Variants in LY6S observed in about 807,000 individuals in gnomAD.
LY6S encodes the protein lymphocyte antigen 6S.
the LY6S span, among the ~76,000 whole-genome samples, chr8:143,063,797 G>A: frequency 5.9e-5 from 9 of 152,170 alleles, no homozygotes; most frequent in Non-Finnish European, 1.0e-4. Context: ...CAGCCTGTCC[G>A]CTGTCAGCCA....
chr8:143,044,951 TGCCTGCAACTGGCA>T, the LY6S span: 1 of 736,422 alleles, frequency 1.4e-6, no homozygotes. Flanking sequence ...CCCACACACC[TGCCTGCAACTGGCA>T]GCCTGCAACT....
At chr8:143,057,474 T>C in the LY6S span, 1 of 646,100 alleles carries the variant, frequency 1.5e-6, no homozygotes, top group African/African-American at 1.8e-5. Context: ...GGTTTCGAAC[T>C]CCTGACCTTG....
At chr8:143,056,827 C>T in the LY6S span, among the ~76,000 whole-genome samples, 13 of 152,224 alleles carry the variant, frequency 8.5e-5, no homozygotes, top group African/African-American at 2.4e-4. Flanking sequence ...GTTCAGGCAT[C>T]GCTGATATTT....
At chr8:143,066,350 C>T in the LY6S span, 316 of 206,218 alleles carry the variant, frequency 1.5e-3, 1 homozygote, top group African/African-American at 7.0e-3. Context: ...TTAGTAGAGA[C>T]GGGGTTTTGC....
At chr8:143,070,472 TATAAATATATATA>T in the LY6S span, among the ~76,000 whole-genome samples, 2 of 39,930 alleles carry the variant, frequency 5.0e-5, no homozygotes, top group African/African-American at 1.5e-4. Context: ...ATAATATATA[TATAAATATATATA>T]TATATTTTTT....
chr8:143,068,592 C>T, the LY6S span, among the ~76,000 whole-genome samples: 1 of 152,048 alleles, frequency 6.6e-6, no homozygotes, highest in African/African-American at 2.4e-5. Flanking sequence ...TTGTAATTTG[C>T]CCAGTCTTAG....
chr8:143,049,319 C>T, the LY6S span: 2 of 533,818 alleles, frequency 3.7e-6, no homozygotes, highest in Non-Finnish European at 7.7e-6. Flanking sequence ...ACGGAAAAGA[C>T]ATCTTTTGTT....
chr8:143,059,093 A>C, the LY6S span, among the ~76,000 whole-genome samples: 4 of 152,166 alleles, frequency 2.6e-5, no homozygotes, highest in South Asian at 8.3e-4. Flanking sequence ...GGAACGGCTC[A>C]TGTCCTCTGT....
At chr8:143,047,636 G>A in the LY6S span, 1 of 152,202 alleles carries the variant, frequency 6.6e-6, no homozygotes, top group African/African-American at 2.4e-5. Flanking sequence ...AGGCATATTT[G>A]ATTTTCCCTG....
chr8:143,051,235 G>A, the LY6S span, among the ~76,000 whole-genome samples: 3 of 152,154 alleles, frequency 2.0e-5, no homozygotes, highest in Admixed American at 2.0e-4. Context: ...TTCTCTTGAC[G>A]TAAATCCATC....
chr8:143,057,848 T>C, the LY6S span: 4 of 729,722 alleles, frequency 5.5e-6, no homozygotes, highest in African/African-American at 1.7e-5. Context: ...GCAGCTGGCC[T>C]GACTGGGGGC....
At chr8:143,045,612 G>A in the LY6S span, among the ~76,000 whole-genome samples, 2 of 151,182 alleles carry the variant, frequency 1.3e-5, no homozygotes, top group Non-Finnish European at 2.9e-5. The surrounding 1 kb of genome is among the most constrained non-coding windows in gnomAD (Gnocchi z 5.3). Flanking sequence ...TCTCCTTAGC[G>A]CCCCCACCCA....
the LY6S span, among the ~76,000 whole-genome samples, chr8:143,048,160 G>A: frequency 6.6e-6 from 1 of 152,172 alleles, no homozygotes; most frequent in East Asian, 1.9e-4. Flanking sequence ...AGGCTGCCTG[G>A]TTGGCTGCCG....
chr8:143,058,462 T>C, the LY6S span, among the ~76,000 whole-genome samples: 8,112 of 152,190 alleles, frequency 0.053, 700 homozygotes, highest in African/African-American at 0.19. Context: ...GAAAGATAGC[T>C]TATGCCATTA....
chr8:143,057,690 A>C, the LY6S span: 2 of 833,304 alleles, frequency 2.4e-6, no homozygotes, highest in South Asian at 2.6e-5. Flanking sequence ...TGAATCCAGC[A>C]AGCAGTAAGG....
chr8:143,073,267 G>A, the LY6S span, among the ~76,000 whole-genome samples: 5 of 148,816 alleles, frequency 3.4e-5, no homozygotes, highest in East Asian at 2.1e-4. Context: ...CGTCCTCGGG[G>A]TCCCTGTTCG....
the LY6S span, chr8:143,057,250 A>AT: frequency 2.2e-3 from 408 of 183,468 alleles, 1 homozygote; most frequent in African/African-American, 9.2e-3. Flanking sequence ...TATTATTATT[A>AT]TTTTTATTTT....
the LY6S span, among the ~76,000 whole-genome samples, chr8:143,063,957 T>C: frequency 2.6e-5 from 4 of 152,184 alleles, no homozygotes; most frequent in Non-Finnish European, 5.9e-5. Context: ...GGCCACAGCA[T>C]CCAGTAAGCC....
chr8:143,070,433 TTA>T, the LY6S span, among the ~76,000 whole-genome samples: 8 of 94,882 alleles, frequency 8.4e-5, 2 homozygotes, highest in African/African-American at 1.3e-4. Context: ...TATATATATA[TTA>T]TATATATATT....
Sources: allele counts gnomAD v4.1 joint callset (sites outside exome capture counted in the v4.1 genomes callset), GRCh38; gene constraint gnomAD v4.1.1; non-coding constraint Gnocchi (gnomAD v3.1); transcripts MANE v1.5; gene names NCBI Gene and HGNC (gene_info 2026-07-23, HGNC 2026-07-21).